SLC26A11: variants seen among roughly 807,000 people sequenced by gnomAD.
SLC26A11 encodes sodium-independent sulfate anion transporter.
Under a neutral mutation model 62.2 loss-of-function variants are expected in SLC26A11, and 58 were observed. That is an observed-to-expected ratio of 0.93 (90% CI 0.76 to 1.16). SLC26A11 has a LOEUF of 1.16. Among genes scored for constraint, SLC26A11 ranks in the 50% most tolerant of loss-of-function variants. The pLI, the probability that SLC26A11 is intolerant of heterozygous loss-of-function variation, is 0.00. For missense variants in SLC26A11, 790 were observed against 794.3 expected (o/e 0.99, Z 0.06); for synonymous variants, 411 against 368.9 (o/e 1.11, Z -1.31).
In SLC26A11 at chr17:80,221,676, G is replaced by C; in HGVS notation, c.116G>C (p.Trp39Ser). The part of the protein sequence containing the change: ...ALQRRLPILA[W>S]LPSYSLQWLK... ...CAGAGGAGGCTGCCCATCCTGGCGT[G>C]GCTGCCCAGCTACTCCCTGCAGTGG... The change falls in exon 3 of 18, where the codon TGG (tryptophan) becomes TCG (serine). Residue 39 changes from tryptophan (W) to serine (S), a missense_variant. Transcript: ENST00000361193. 1 of 1,613,356 alleles carries C rather than the reference G, an allele frequency of 6.2e-7. No individual in the cohort carries two copies. Among genetic ancestry groups the C allele is most frequent in the Non-Finnish European group, 8.5e-7 (1 of 1,180,006 alleles).
At chr17:80,245,542 A>G (rs774121547) in intron 11 of SLC26A11, among the ~76,000 whole-genome samples, 1 of 152,060 alleles carries the variant, frequency 6.6e-6, no homozygotes, top group Non-Finnish European at 1.5e-5. Flanking sequence ...GCTTGAGCCC[A>G]GCAGGATGAG....
intron 9 of SLC26A11, among the ~76,000 whole-genome samples, chr17:80,239,266 A>T (rs1258905328): frequency 1.3e-5 from 2 of 151,158 alleles, no homozygotes; most frequent in African/African-American, 4.9e-5. Flanking sequence ...TTTAGTAGAG[A>T]TGGGGTTTCT....
intron 10 of SLC26A11, 34 bp from the exon 11 acceptor site, chr17:80,245,162 C>T: frequency 6.2e-7 from 1 of 1,606,654 alleles, no homozygotes; most frequent in Non-Finnish European, 8.5e-7. Context: ...GTGTGCCTTC[C>T]CTCCACGATC....
Position 80,248,110 on chromosome 17 carries a change from C to T in SLC26A11, c.1295-20C>T. 1.3e-6 allele frequency: 2 copies of T among 1,592,776 alleles called. No individual in the cohort carries two copies. The highest frequency in any genetic ancestry group is 4.5e-5 in the East Asian group (2 of 44,670). On this transcript the variant is annotated intron_variant, in intron 13 of 17. Transcript: ENST00000361193. ...CCTCGGGCAGCTGCCGGGCATTCCTCAGCTGTGCCCTTCTCCTAGGGCTGG... is the reference window on the plus strand; with the variant it reads ...CCTCGGGCAGCTGCCGGGCATTCCTTAGCTGTGCCCTTCTCCTAGGGCTGG...
At chr17:80,248,939 C>A (rs935049971) in intron 15 of SLC26A11, among the ~76,000 whole-genome samples, 1 of 152,130 alleles carries the variant, frequency 6.6e-6, no homozygotes, top group East Asian at 1.9e-4. Context: ...GAGCTAAGGG[C>A]CTGTGAGTCC....
Position 80,253,299 on chromosome 17 carries a change from A to G in SLC26A11, c.*583A>G, listed in dbSNP as rs1165501855. The G allele has an allele frequency of 6.6e-6, 1 of 152,180 alleles. No homozygotes were observed. The highest frequency in any genetic ancestry group is 6.6e-5 in the Admixed American group (1 of 15,262). The allele number at this position is 152,180 out of a possible 1,614,324, so 9.4% of individuals were successfully genotyped here. On this transcript the variant is annotated 3_prime_UTR_variant, in exon 18 of 18. Coordinates refer to ENST00000361193, the MANE Select transcript of SLC26A11 (RefSeq NM_001166347.2). ...CTTATTGTAAAAAATACAGGAAACC[A>G]CCCCTCACCCTGTCCACTTGGGTGA...
rs1310691913 is a variant in SLC26A11 at position 80,246,192 on chromosome 17, CG to C, written c.1142del (p.Gly381AlafsTer3). The C allele has an allele frequency of 6.2e-7, 1 of 1,612,192 alleles. No homozygotes were observed. On this transcript the variant is annotated frameshift_variant, in exon 12 of 18. Coordinates refer to ENST00000361193, the MANE Select transcript of SLC26A11 (RefSeq NM_001166347.2). LOFTEE classifies it high-confidence loss of function. The surrounding 1 kb of genome is among the most constrained non-coding windows in gnomAD (Gnocchi z 4.4). Reference sequence around the variant, plus strand: ...GCTCAGTCGGGGGTGTGCACCCCGGCGGGGGGCCTGGTGACGGGTAAGGCCC... The same window carrying C: ...GCTCAGTCGGGGGTGTGCACCCCGGCGGGGGCCTGGTGACGGGTAAGGCCC... ...VNAQSGVCTPAGGLVTGVLVL... is the reference protein window; with the variant it reads ...VNAQSGVCTPXGGLVTGVLVL...
Position 80,246,357 on chromosome 17 carries a change from C to A in SLC26A11, c.1153+148C>A. The stretch of plus-strand genomic sequence containing the variant: ...GGGGGCCACACAGGAGTAGGGGGAC[C>A]ACAGGAGACTGAGCAGGGGCTGGGG... On this transcript the variant is annotated intron_variant, in intron 12 of 17. Coordinates refer to ENST00000361193, the MANE Select transcript of SLC26A11 (RefSeq NM_001166347.2). The surrounding 1 kb of genome is among the most constrained non-coding windows in gnomAD (Gnocchi z 4.4). The A allele has an allele frequency of 1.4e-6, 2 of 1,409,452 alleles. No individual in the cohort carries two copies. Among genetic ancestry groups the A allele is most frequent in the Non-Finnish European group, 9.6e-7 (1 of 1,043,776 alleles). The allele number at this position is 1,409,452 out of a possible 1,614,324, so 87.3% of individuals were successfully genotyped here.
At position 80,220,606 on chromosome 17, in the gene SLC26A11, A is replaced by G. The variant is rs1269594964; in HGVS notation, c.-214+110A>G. The G allele has an allele frequency of 2.7e-4, 93 of 338,880 alleles. No individual in the cohort carries two copies. In the East Asian group the frequency reaches 4.3e-3, roughly 16 times the overall value. The allele number at this position is 338,880 out of a possible 1,614,324, so 21.0% of individuals were successfully genotyped here. On this transcript the variant is annotated intron_variant, in intron 1 of 17. Coordinates refer to ENST00000361193, the MANE Select transcript of SLC26A11 (RefSeq NM_001166347.2). ...CGCGGGGGCCAGCGCGGAGTCCTGAAGTGCGGGGGCCTCCCGTGGGGACCA... is the reference window on the plus strand; with the variant it reads ...CGCGGGGGCCAGCGCGGAGTCCTGAGGTGCGGGGGCCTCCCGTGGGGACCA...
intron 7 of SLC26A11, among the ~76,000 whole-genome samples, chr17:80,233,486 G>A (rs181450808): frequency 5.7e-4 from 87 of 151,724 alleles, no homozygotes; most frequent in Non-Finnish European, 1.0e-3. Flanking sequence ...TAATTCCTTT[G>A]TACAAATCCA....
At position 80,252,892 on chromosome 17, in the gene SLC26A11, G is replaced by A; in HGVS notation, c.*176G>A. On this transcript the variant is annotated 3_prime_UTR_variant, in exon 18 of 18. Coordinates refer to ENST00000361193, the MANE Select transcript of SLC26A11 (RefSeq NM_001166347.2). This position sits in a 1 kb window ranked among gnomAD's most constrained non-coding sequence, Gnocchi z 5.2. ...GGAGGTCCACGGCAGTGGGAGTGGG[G>A]CTCACTGGCTTCCTGTGGGATGACT... is the stretch of plus-strand genomic sequence containing the variant. 7.0e-6 allele frequency: 4 copies of A among 570,744 alleles called. No homozygotes were observed. Among genetic ancestry groups the A allele is most frequent in the South Asian group, 6.2e-5 (3 of 48,762 alleles). 35.4% of individuals were successfully genotyped at this position (570,744 alleles called of 1,614,324 possible). A position where few individuals can be genotyped will look rare whatever the true frequency, so the allele number is the denominator to read the frequency against.
At chr17:80,233,719 A>G (rs1445120776) in intron 7 of SLC26A11, among the ~76,000 whole-genome samples, 1 of 151,884 alleles carries the variant, frequency 6.6e-6, no homozygotes, top group Non-Finnish European at 1.5e-5. Flanking sequence ...GACTATAGGC[A>G]TGCATCACCA....
At chr17:80,234,946 T>C (rs988587305) in intron 7 of SLC26A11, among the ~76,000 whole-genome samples, 4 of 152,034 alleles carry the variant, frequency 2.6e-5, no homozygotes, top group Non-Finnish European at 1.5e-5. Context: ...GCCTCCCGGC[T>C]TCAAGTGGTT....
chr17:80,236,971 C>G lies in SLC26A11; in HGVS notation c.780C>G (p.Tyr260Ter), dbSNP rs771000032. 2 of 1,614,042 alleles carry G rather than the reference C, an allele frequency of 1.2e-6. No homozygotes were observed. The highest frequency in any genetic ancestry group is 2.2e-5 in the South Asian group (2 of 91,076). Residue 260 changes from tyrosine (Y) to a stop codon, truncating the protein, a stop_gained, in exon 8 of 18, where the codon TAC becomes TAG. Transcript: ENST00000361193. LOFTEE classifies it high-confidence loss of function. ...LVVSFAALVAYSFEVTGYQPF... is the reference protein window; with the variant it reads ...LVVSFAALVA The stretch of plus-strand genomic sequence containing the variant: ...TCTCCTTCGCAGCCCTGGTTGCGTA[C>G]TCCTTCGAGGTGACTGGATACCAGC...
chr17:80,235,288 C>CAGTT (rs1330823607), intron 7 of SLC26A11, among the ~76,000 whole-genome samples: 2 of 151,964 alleles, frequency 1.3e-5, no homozygotes, highest in Admixed American at 1.3e-4. Context: ...CATTTGGTTA[C>CAGTT]AGTTACTCTT....
rs1454138468 is a variant in SLC26A11, at chr17:80,237,610, C to T, written c.985+16C>T. ...AAAGCCTTCGGTAAGACGCCTGTCA[C>T]CCACACCCCAGGTCTCCCAGTGCGC... On this transcript the variant is annotated intron_variant, in intron 9 of 17. Coordinates refer to ENST00000361193, the MANE Select transcript of SLC26A11 (RefSeq NM_001166347.2). The T allele has an allele frequency of 7.5e-6, 12 of 1,607,712 alleles. No homozygotes were observed. The highest frequency in any genetic ancestry group is 2.7e-5 in the African/African-American group (2 of 74,886).
rs1196616853 is a variant in SLC26A11, at chr17:80,252,547, C to T, written c.1730-78C>T. On this transcript the variant is annotated intron_variant, in intron 17 of 17. Transcript: ENST00000361193. The surrounding 1 kb of genome is among the most constrained non-coding windows in gnomAD (Gnocchi z 5.2). ...CCTTCCAGGACTCTGGAAGGCCCTC[C>T]TTAATCCCTTCCTGTGAACTGACCC... 1.4e-6 allele frequency: 2 copies of T among 1,409,424 alleles called. No homozygotes were observed. Among genetic ancestry groups the T allele is most frequent in the African/African-American group, 1.4e-5 (1 of 70,616 alleles). The allele number at this position is 1,409,424 out of a possible 1,614,324, so 87.3% of individuals were successfully genotyped here. A position where few individuals can be genotyped will look rare whatever the true frequency, so the allele number is the denominator to read the frequency against.
At chr17:80,233,848 G>A (rs1192043218) in intron 7 of SLC26A11, among the ~76,000 whole-genome samples, 3 of 128,336 alleles carry the variant, frequency 2.3e-5, no homozygotes, top group Admixed American at 8.2e-5. Context: ...CAAATGTTGG[G>A]ATTACAGGTG....
Position 80,249,189 on chromosome 17 carries a change from C to G in SLC26A11, c.1558C>G (p.His520Asp). The G allele has an allele frequency of 6.2e-7, 1 of 1,610,302 alleles. No homozygotes were observed. Among genetic ancestry groups the G allele is most frequent in the Non-Finnish European group, 8.5e-7 (1 of 1,179,920 alleles). Residue 520 changes from histidine (H) to aspartate (D), a missense_variant, in exon 16 of 18, where the codon CAT (histidine) becomes GAT (aspartate). Transcript: ENST00000361193. ...ACGCTGCCTGGTCCTGGAGTGCACCCATGTCTGCAGCATCGACTACACTGT... is the reference window on the plus strand; with the variant it reads ...ACGCTGCCTGGTCCTGGAGTGCACCGATGTCTGCAGCATCGACTACACTGT... ...PPRCLVLECTHVCSIDYTVVL... is the reference protein window; with the variant it reads ...PPRCLVLECTDVCSIDYTVVL...
Sources: allele counts gnomAD v4.1 joint callset (sites outside exome capture counted in the v4.1 genomes callset), GRCh38; gene constraint gnomAD v4.1.1; non-coding constraint Gnocchi (gnomAD v3.1); transcripts MANE v1.5; gene names NCBI Gene and HGNC (gene_info 2026-07-23, HGNC 2026-07-21).